PCNT: variants seen among roughly 807,000 people sequenced by gnomAD.
PCNT encodes pericentrin.
PCNT carries 319 observed loss-of-function variants against 380.4 expected under a neutral mutation model. That is an observed-to-expected ratio of 0.84 (90% CI 0.77 to 0.92). The LOEUF (loss-of-function observed/expected upper bound fraction) is 0.92. Among genes scored for constraint, PCNT ranks in the 40% least tolerant of loss-of-function variants. PCNT has a pLI of 0.00. For missense variants in PCNT, 4,400 were observed against 4,255.3 expected (o/e 1.03, Z -0.95); for synonymous variants, 1,845 against 1,735.2 (o/e 1.06, Z -1.57).
In PCNT at chr21:46,346,810, A is replaced by G. The variant is rs886057178; in HGVS notation, c.788A>G (p.Glu263Gly). Residue 263 changes from glutamate to glycine, a missense_variant, in exon 5 of 47, where the codon GAG becomes GGG. Transcript: ENST00000359568. ...SLSNMHTAQLELTQANLQKEK... is the reference protein window; with the variant it reads ...SLSNMHTAQLGLTQANLQKEK... Reference sequence around the variant, plus strand: ...AGCAACATGCACACGGCGCAGCTGGAGCTGACACAGGCCAACCTCCAGAAG... The same window carrying G: ...AGCAACATGCACACGGCGCAGCTGGGGCTGACACAGGCCAACCTCCAGAAG... The G allele has an allele frequency of 1.2e-6, 2 of 1,603,148 alleles. No homozygotes were observed. The highest frequency in any genetic ancestry group is 1.3e-5 in the African/African-American group (1 of 74,840).
chr21:46,422,276 C>A, intron 32 of PCNT, 152 bp downstream of exon 32: 1 of 1,054,052 alleles, frequency 9.5e-7, no homozygotes, highest in Non-Finnish European at 1.4e-6. Context: ...TCACGGGAGG[C>A]AGCCCCACGG....
chr21:46,432,799 A>G (rs1384003882), intron 38 of PCNT, among the ~76,000 whole-genome samples: 1 of 151,874 alleles, frequency 6.6e-6, no homozygotes, highest in East Asian at 2.0e-4. Flanking sequence ...TAATTTTTGG[A>G]TTAGTAGAGA....
chr21:46,439,412 C>CT (rs2148074076), intron 41 of PCNT, among the ~76,000 whole-genome samples: 1 of 152,314 alleles, frequency 6.6e-6, no homozygotes, highest in Admixed American at 6.5e-5. Flanking sequence ...TCACAGCTCA[C>CT]TTCAGCCTTG....
chr21:46,333,578 G>T (rs1412205566), intron 2 of PCNT, among the ~76,000 whole-genome samples: 6 of 151,172 alleles, frequency 4.0e-5, no homozygotes, highest in African/African-American at 1.5e-4. Flanking sequence ...CAGCCTGGGC[G>T]ACGGAGTGAA....
chr21:46,366,514 C>T, intron 14 of PCNT, 70 bp from the exon 15 acceptor site: 1 of 1,316,048 alleles, frequency 7.6e-7, no homozygotes, highest in Admixed American at 1.7e-5. Flanking sequence ...GGGAAACTGA[C>T]TTGGCTTTTG....
rs1321023546 is a variant in PCNT, at chr21:46,356,865, T to C, written c.1937-109T>C. 3 of 877,642 alleles carry C rather than the reference T, an allele frequency of 3.4e-6. No individual in the cohort carries two copies. In the Admixed American group the frequency reaches 5.8e-5, roughly 17 times the overall value. The allele number at this position is 877,642 out of a possible 1,614,324, so 54.4% of individuals were successfully genotyped here. A position where few individuals can be genotyped will look rare whatever the true frequency, so the allele number is the denominator to read the frequency against. Reference sequence around the variant, plus strand: ...CAGCACAGAGCTTGAAAATCCACAGTGTCTGCTGTCAGAAGCATTTATAGG... The same window carrying C: ...CAGCACAGAGCTTGAAAATCCACAGCGTCTGCTGTCAGAAGCATTTATAGG... On this transcript the variant is annotated intron_variant, in intron 12 of 46. Transcript: ENST00000359568.
At chr21:46,434,286 T>C (rs1461342536) in intron 38 of PCNT, among the ~76,000 whole-genome samples, 2 of 152,202 alleles carry the variant, frequency 1.3e-5, no homozygotes, top group Non-Finnish European at 2.9e-5. Flanking sequence ...GGCCCGAGCA[T>C]TGAGTGAGGC....
At chr21:46,440,055 AGAC>A in intron 41 of PCNT, 25 bp from the exon 42 acceptor site, 3 of 1,613,556 alleles carry the variant, frequency 1.9e-6, no homozygotes, top group Non-Finnish European at 2.5e-6. Context: ...GCAGCTCTGT[AGAC>A]AGCGCTGGCT....
At chr21:46,356,250 GC>G (rs2084473270) in intron 12 of PCNT, among the ~76,000 whole-genome samples, 1 of 152,230 alleles carries the variant, frequency 6.6e-6, no homozygotes, top group South Asian at 2.1e-4. Context: ...CGCGGGTCCT[GC>G]TGGGAGGTGT....
intron 33 of PCNT, among the ~76,000 whole-genome samples, chr21:46,426,237 T>C (rs931652610): frequency 2.0e-5 from 3 of 152,056 alleles, no homozygotes; most frequent in African/African-American, 4.8e-5. Flanking sequence ...TTTCACCATC[T>C]TAGCTAGGCT....
intron 3 of PCNT, among the ~76,000 whole-genome samples, chr21:46,338,567 C>T (rs968799862): frequency 6.7e-6 from 1 of 148,426 alleles, no homozygotes; most frequent in Non-Finnish European, 1.5e-5. Flanking sequence ...GGACATCTTT[C>T]TTCTAGCTTT....
rs753398642 is a variant in PCNT, at chr21:46,416,363, G to A, written c.6445G>A (p.Ala2149Thr). ...TDVIKNQAIDACDANTTPGGV... is the reference protein window; with the variant it reads ...TDVIKNQAIDTCDANTTPGGV... The stretch of plus-strand genomic sequence containing the variant: ...TGTTATCAAAAATCAGGCCATAGAC[G>A]CGTGTGATGCCAATACAACCCCAGG... The change falls in exon 30 of 47, where the codon GCG (alanine) becomes ACG (threonine). Residue 2149 changes from alanine to threonine, a missense_variant. By Grantham distance (58) the Ala-to-Thr change is moderately conservative. Coordinates refer to ENST00000359568, the MANE Select transcript of PCNT (RefSeq NM_006031.6). The A allele has an allele frequency of 1.1e-5, 18 of 1,613,944 alleles. No homozygotes were observed. In the East Asian group the frequency reaches 2.2e-4, roughly 20 times the overall value.
chr21:46,437,187 T>TC (rs1647277985), intron 40 of PCNT, 106 bp downstream of exon 40: 1 of 743,776 alleles, frequency 1.3e-6, no homozygotes, highest in Admixed American at 2.1e-5. Flanking sequence ...TCTTCCTCCC[T>TC]CGCTGCCTTC....
chr21:46,378,922 G>A (rs766816445), intron 15 of PCNT, among the ~76,000 whole-genome samples: 2 of 152,064 alleles, frequency 1.3e-5, no homozygotes, highest in African/African-American at 2.4e-5. Flanking sequence ...TAAACCAGGA[G>A]GAAGAAGAAT....
At position 46,402,483 on chromosome 21, in the gene PCNT, G is replaced by A. The variant is rs141860893; in HGVS notation, c.5115G>A (p.Lys1705=). 114 of 1,613,904 alleles carry A rather than the reference G, an allele frequency of 7.1e-5. No homozygotes were observed. Among genetic ancestry groups the A allele is most frequent in the Middle Eastern group, 4.9e-4 (3 of 6,084 alleles). The change falls in exon 27 of 47, where the codon AAG becomes AAA. Residue 1705 remains lysine, a splice_region_variant and synonymous_variant. Transcript: ENST00000359568. ...RELEEENTSL[K]VIYTRSSEIE... ...TTGAGGAAGAGAACACGAGCTTGAA[G>A]GTAAGCTACCAAAGGTCCACGTGAC...
chr21:46,388,885 G>A lies in PCNT; in HGVS notation c.3607+1G>A. ...GGCGCAGGCCTGGCCCTGTCGACAGGTGAGTGTGCCGGGACCAGCTGCCCA... is the reference window on the plus strand; with the variant it reads ...GGCGCAGGCCTGGCCCTGTCGACAGATGAGTGTGCCGGGACCAGCTGCCCA... On this transcript the variant is annotated splice_donor_variant, in intron 18 of 46. Coordinates refer to ENST00000359568, the MANE Select transcript of PCNT (RefSeq NM_006031.6). LOFTEE classifies it high-confidence loss of function. This position sits in a 1 kb window ranked among gnomAD's most constrained non-coding sequence, Gnocchi z 4.2. The A allele has an allele frequency of 6.3e-7, 1 of 1,597,998 alleles. No homozygotes were observed. The highest frequency in any genetic ancestry group is 2.2e-5 in the East Asian group (1 of 44,638).
chr21:46,400,951 C>A (rs1222491341), intron 25 of PCNT, among the ~76,000 whole-genome samples: 4 of 151,762 alleles, frequency 2.6e-5, no homozygotes, highest in East Asian at 1.9e-4. Flanking sequence ...GCGGAGTTGT[C>A]CCCCTGGCCG....
At chr21:46,384,984 T>C (rs1321070223) in intron 16 of PCNT, among the ~76,000 whole-genome samples, 3 of 152,222 alleles carry the variant, frequency 2.0e-5, no homozygotes, top group Non-Finnish European at 4.4e-5. Flanking sequence ...CACAGTATTG[T>C]GCAGCCATCA....
intron 25 of PCNT, among the ~76,000 whole-genome samples, chr21:46,400,444 A>G (rs1224694133): frequency 6.7e-6 from 1 of 149,490 alleles, no homozygotes; most frequent in East Asian, 2.0e-4. Flanking sequence ...AAGAAATTTG[A>G]TTTTAGAATT....
Sources: allele counts gnomAD v4.1 joint callset (sites outside exome capture counted in the v4.1 genomes callset), GRCh38; gene constraint gnomAD v4.1.1; non-coding constraint Gnocchi (gnomAD v3.1); transcripts MANE v1.5; gene names NCBI Gene and HGNC (gene_info 2026-07-23, HGNC 2026-07-21).